Variants in SLC43A1 observed in about 807,000 individuals in gnomAD.
The protein encoded by SLC43A1 is solute carrier family 43 member 1.
Under a neutral mutation model 59.5 loss-of-function variants are expected in SLC43A1, and 31 were observed. The ratio of observed to expected loss-of-function variants is 0.52; its 90% CI spans 0.39 to 0.70. The LOEUF is 0.70. Among genes scored for constraint, SLC43A1 ranks in the 30% least tolerant of loss-of-function variants. SLC43A1 has a pLI of 0.00. For missense variants in SLC43A1, 598 were observed against 717.8 expected, an observed-to-expected ratio of 0.83 and a Z score of 1.91; for synonymous variants, 259 against 290.9, an observed-to-expected ratio of 0.89 and a Z score of 1.12.
chr11:57,503,334 C>G (rs1944316346), intron 2 of SLC43A1, among the ~76,000 whole-genome samples: 1 of 131,982 alleles, frequency 7.6e-6, no homozygotes, highest in African/African-American at 2.8e-5. Flanking sequence ...GGGTCTCACT[C>G]TGTCTCCCAG....
At chr11:57,489,858 T>C (rs1943849842) in intron 11 of SLC43A1, among the ~76,000 whole-genome samples, 1 of 152,250 alleles carries the variant, frequency 6.6e-6, no homozygotes, top group South Asian at 2.1e-4. Flanking sequence ...GGACAGCAGC[T>C]TGGCCTGACT....
intron 2 of SLC43A1, among the ~76,000 whole-genome samples, chr11:57,502,456 T>C (rs1944291192): frequency 6.6e-6 from 1 of 152,164 alleles, no homozygotes; most frequent in Admixed American, 6.5e-5. Context: ...TCCTGAAGGA[T>C]CTGAGGAAGG....
In SLC43A1 at chr11:57,491,784, C is replaced by T. The variant is rs749104763; in HGVS notation, c.950G>A (p.Arg317Gln). ...SLLTMGMTQL[R>Q]IIFYMAAVNK... ...CACAGCAGCCATGTAGAAGATGATCCGCAGCTGGGTCATGCCCATGGTGAG... is the reference window on the plus strand; with the variant it reads ...CACAGCAGCCATGTAGAAGATGATCTGCAGCTGGGTCATGCCCATGGTGAG... The change falls in exon 9 of 15, where the codon CGG becomes CAG. Residue 317 changes from arginine to glutamine, a missense_variant. Coordinates refer to ENST00000278426, the MANE Select transcript of SLC43A1 (RefSeq NM_003627.6). 9.9e-6 allele frequency: 16 copies of T among 1,614,204 alleles called. No homozygotes were observed. Among genetic ancestry groups the T allele is most frequent in the Non-Finnish European group, 1.4e-5 (16 of 1,180,028 alleles).
chr11:57,502,095 A>G (rs1306586476), intron 2 of SLC43A1, among the ~76,000 whole-genome samples: 8 of 152,228 alleles, frequency 5.3e-5, no homozygotes, highest in Non-Finnish European at 8.8e-5. Flanking sequence ...CTTAACGGTA[A>G]ACTGCCAACT....
chr11:57,493,970 C>G (rs371601347), intron 8 of SLC43A1, 23 bp downstream of exon 8: 1 of 1,561,972 alleles, frequency 6.4e-7, no homozygotes, highest in Non-Finnish European at 8.6e-7. Flanking sequence ...CCCCCAAGGC[C>G]GGCACCTTGA....
At chr11:57,507,701 T>G (rs1004483252) in intron 2 of SLC43A1, among the ~76,000 whole-genome samples, 2 of 152,222 alleles carry the variant, frequency 1.3e-5, no homozygotes, top group Non-Finnish European at 2.9e-5. Context: ...GCTCTTCATA[T>G]TTTTGTTAAA....
At position 57,497,806 on chromosome 11, in the gene SLC43A1, C is replaced by T. The variant is rs1169516760; in HGVS notation, c.505G>A (p.Ala169Thr). Residue 169 changes from alanine to threonine, a missense_variant, in exon 6 of 15, where the codon GCC becomes ACC. Physicochemically the swap from Ala to Thr is moderately conservative, Grantham distance 58. Transcript: ENST00000278426. ...MFGNLRSTLM[A>T]LMIGSYASSA... Reference sequence around the variant, plus strand: ...GAGGCGTAAGAGCCAATCATGAGGGCCATTAACGTGGAGCGCAGGTTCCCA... The same window carrying T: ...GAGGCGTAAGAGCCAATCATGAGGGTCATTAACGTGGAGCGCAGGTTCCCA... The T allele has an allele frequency of 5.6e-6, 9 of 1,613,738 alleles. No individual in the cohort carries two copies. Among genetic ancestry groups the T allele is most frequent in the Non-Finnish European group, 5.1e-6 (6 of 1,179,878 alleles).
Position 57,514,089 on chromosome 11 carries a change from G to T in SLC43A1, c.23C>A (p.Ala8Glu). 6.3e-7 allele frequency: 1 copy of T among 1,598,098 alleles called. No homozygotes were observed. ...GGCCATCCACCAGCGCCTCCGGTAC[G>T]CCTGTTGCAGCGTGGGGGCCATGCT... MAPTLQQAYRRRWWMACT... is the reference protein window; with the variant it reads MAPTLQQEYRRRWWMACT... The change falls in exon 2 of 15, where the codon GCG (alanine) becomes GAG (glutamate). Residue 8 changes from alanine to glutamate, a missense_variant. Coordinates refer to ENST00000278426, the MANE Select transcript of SLC43A1 (RefSeq NM_003627.6). The surrounding 1 kb of genome is among the most constrained non-coding windows in gnomAD (Gnocchi z 5.5).
chr11:57,490,570 C>T (rs946137639), intron 11 of SLC43A1, among the ~76,000 whole-genome samples: 6 of 152,186 alleles, frequency 3.9e-5, no homozygotes, highest in Non-Finnish European at 8.8e-5. Context: ...TATGGAGAGG[C>T]CATGGGGGTA....
chr11:57,511,016 A>G (rs930836480), intron 2 of SLC43A1, among the ~76,000 whole-genome samples: 1 of 152,176 alleles, frequency 6.6e-6, no homozygotes, highest in Non-Finnish European at 1.5e-5. Context: ...AAGAATATGA[A>G]ATAGTGTAGC....
At chr11:57,487,982 A>G (rs1943789940) in intron 13 of SLC43A1, among the ~76,000 whole-genome samples, 1 of 152,078 alleles carries the variant, frequency 6.6e-6, no homozygotes, top group African/African-American at 2.4e-5. Context: ...AGGGGAGTGA[A>G]GTGCTGGGGC....
chr11:57,491,837 G>A lies in SLC43A1; in HGVS notation c.897C>T (p.Leu299=). ...PERSVPLRKS[L]CSPTFLWSLL... ...GGCTCCACAGGAAAGTGGGGGAGCA[G>A]AGGCTCTTGCGTAAGGGGACAGACC... is the stretch of plus-strand genomic sequence containing the variant. The change falls in exon 9 of 15, where the codon CTC becomes CTT. Residue 299 remains leucine, a synonymous_variant. Transcript: ENST00000278426. The A allele has an allele frequency of 1.2e-6, 2 of 1,614,200 alleles. No individual in the cohort carries two copies. The highest frequency in any genetic ancestry group is 1.7e-6 in the Non-Finnish European group (2 of 1,180,024).
intron 8 of SLC43A1, among the ~76,000 whole-genome samples, chr11:57,493,530 T>C (rs1943993278): frequency 6.6e-6 from 1 of 152,200 alleles, no homozygotes; most frequent in Non-Finnish European, 1.5e-5. Flanking sequence ...CCACTTATCA[T>C]GGAGCTGGCG....
intron 2 of SLC43A1, among the ~76,000 whole-genome samples, chr11:57,502,884 A>G (rs1427966223): frequency 2.0e-5 from 3 of 151,764 alleles, no homozygotes; most frequent in Non-Finnish European, 2.9e-5. Context: ...AAAAAAAAAA[A>G]AAAAGAAAAG....
intron 5 of SLC43A1, among the ~76,000 whole-genome samples, chr11:57,499,327 A>AAC (rs71804361): frequency 0.23 from 4,066 of 17,474 alleles, 186 homozygotes; most frequent in African/African-American, 0.35. Flanking sequence ...CCGTCTCAAC[A>AAC]AAAAAAAAAA....
intron 8 of SLC43A1, among the ~76,000 whole-genome samples, chr11:57,492,536 GTATATATATATA>G (rs71061509): frequency 0.023 from 1,829 of 79,830 alleles, 45 homozygotes; most frequent in African/African-American, 0.036. Context: ...ATAATTTTGT[GTATATATATATA>G]TATATATATA....
rs1943827036 is a variant in SLC43A1 at position 57,489,122 on chromosome 11, TG to T, written c.1335+128del. ...AACCCAATCTACTAGAAACACTTCC[TG>T]GAGAACCCGGAAAATAGATCCAGAT... On this transcript the variant is annotated intron_variant, in intron 12 of 14. Coordinates refer to ENST00000278426, the MANE Select transcript of SLC43A1 (RefSeq NM_003627.6). 2.8e-6 allele frequency: 4 copies of T among 1,447,564 alleles called. No homozygotes were observed. In the East Asian group the frequency reaches 9.2e-5, roughly 33 times the overall value. The allele number at this position is 1,447,564 out of a possible 1,614,324, so 89.7% of individuals were successfully genotyped here.
intron 5 of SLC43A1, among the ~76,000 whole-genome samples, chr11:57,498,883 G>A (rs1381845945): frequency 3.9e-5 from 6 of 152,000 alleles, no homozygotes; most frequent in East Asian, 1.9e-4. Context: ...GATGCCCTTC[G>A]CACACACCCT....
At chr11:57,493,451 A>C (rs895233111) in intron 8 of SLC43A1, among the ~76,000 whole-genome samples, 9 of 152,212 alleles carry the variant, frequency 5.9e-5, no homozygotes, top group Non-Finnish European at 2.9e-5. Context: ...TACACAAGTC[A>C]CATAGCCTAT....
Sources: gnomAD v4.1 joint callset for allele counts (sites outside exome capture counted in the v4.1 genomes callset) on GRCh38, gnomAD v4.1.1 for gene constraint, Gnocchi (gnomAD v3.1) non-coding constraint, MANE v1.5 for transcripts, NCBI Gene and HGNC (gene_info 2026-07-23, HGNC 2026-07-21) for gene names.